The following FMN1 variants were observed in gnomAD, a reference collection of about 807,000 sequenced individuals.
FMN1 encodes the protein formin 1.
Under a neutral mutation model 132.4 loss-of-function variants are expected in FMN1, and 110 were observed. The observed-to-expected ratio is 0.83, with a 90% CI of 0.71 to 0.97. The LOEUF is 0.97. Ranked by LOEUF, FMN1 falls within the 50% of genes least tolerant of loss-of-function variation. The pLI is 0.00. For synonymous variants in FMN1, 722 were observed against 651.7 expected, an observed-to-expected ratio of 1.11 and a Z score of -1.64; for missense variants, 1,792 against 1,705.3, an observed-to-expected ratio of 1.05 and a Z score of -0.90.
rs1472471465 is a variant in FMN1, at chr15:32,768,012, T to G, written c.*6298A>C. 1.3e-5 allele frequency: 2 copies of G among 152,236 alleles called. No individual in the cohort carries two copies. The highest frequency in any genetic ancestry group is 4.8e-5 in the African/African-American group (2 of 41,464). The allele number at this position is 152,236 out of a possible 1,614,324, so 9.4% of individuals were successfully genotyped here. A position where few individuals can be genotyped will look rare whatever the true frequency, so the allele number is the denominator to read the frequency against. On this transcript the variant is annotated 3_prime_UTR_variant, in exon 21 of 21. Coordinates refer to ENST00000616417, the MANE Select transcript of FMN1 (RefSeq NM_001277313.2). ...GCATGAAGCGAGGAAAAAGGAGATATTTATAATTCACAAAAACATCTAAAA... is the reference window on the plus strand; with the variant it reads ...GCATGAAGCGAGGAAAAAGGAGATAGTTATAATTCACAAAAACATCTAAAA...
At chr15:32,912,670 G>C (rs1049251054) in intron 10 of FMN1, among the ~76,000 whole-genome samples, 1 of 152,000 alleles carries the variant, frequency 6.6e-6, no homozygotes, top group Non-Finnish European at 1.5e-5. Context: ...CTATCTTGGA[G>C]AATAACGTCC....
intron 19 of FMN1, among the ~76,000 whole-genome samples, chr15:32,778,078 A>C (rs1205320854): frequency 2.5e-5 from 1 of 40,444 alleles, no homozygotes; most frequent in African/African-American, 9.6e-5. Context: ...ATTATGTATA[A>C]TATATAATAC....
chr15:33,054,790 G>T (rs1409867010), intron 6 of FMN1, among the ~76,000 whole-genome samples: 2 of 152,200 alleles, frequency 1.3e-5, no homozygotes, highest in East Asian at 3.9e-4. Context: ...AAGCTTTTAT[G>T]TCTCAGTTAT....
At chr15:32,911,153 ATTAT>A (rs958412986) in intron 10 of FMN1, among the ~76,000 whole-genome samples, 3 of 152,172 alleles carry the variant, frequency 2.0e-5, no homozygotes, top group Non-Finnish European at 4.4e-5. Context: ...CTTGTTCTGT[ATTAT>A]TTAAGATTAA....
chr15:33,137,662 A>C (rs995428919), intron 4 of FMN1, among the ~76,000 whole-genome samples: 1 of 152,196 alleles, frequency 6.6e-6, no homozygotes, highest in Admixed American at 6.5e-5. Context: ...TCCTTTCAAC[A>C]TACTATGTAA....
At chr15:32,958,216 GA>G (rs1249583558) in intron 9 of FMN1, among the ~76,000 whole-genome samples, 1 of 152,144 alleles carries the variant, frequency 6.6e-6, no homozygotes, top group Non-Finnish European at 1.5e-5. Context: ...TGGATATGCA[GA>G]AGTGTGGCTA....
At chr15:33,071,458 G>A (rs1399808051) in intron 5 of FMN1, among the ~76,000 whole-genome samples, 3 of 152,166 alleles carry the variant, frequency 2.0e-5, no homozygotes, top group Non-Finnish European at 2.9e-5. Context: ...CACCAACAAT[G>A]AATGAGGCTG....
chr15:33,122,804 G>A (rs1962688896), intron 4 of FMN1, among the ~76,000 whole-genome samples: 1 of 152,168 alleles, frequency 6.6e-6, no homozygotes, highest in African/African-American at 2.4e-5. Flanking sequence ...TACATAATCT[G>A]AAAGAAGAGG....
intron 17 of FMN1, among the ~76,000 whole-genome samples, chr15:32,806,951 C>G (rs895244541): frequency 2.6e-5 from 4 of 152,304 alleles, no homozygotes; most frequent in Non-Finnish European, 5.9e-5. Context: ...CAGACTATTC[C>G]TTTCCTCATG....
chr15:32,911,294 G>T (rs951431139), intron 10 of FMN1, among the ~76,000 whole-genome samples: 3 of 152,134 alleles, frequency 2.0e-5, no homozygotes, highest in African/African-American at 7.2e-5. Flanking sequence ...AAATAAGCAG[G>T]TCCACATCTT....
At chr15:32,811,098 C>T (rs1444047188) in intron 17 of FMN1, 2 of 456,752 alleles carry the variant, frequency 4.4e-6, no homozygotes, top group South Asian at 1.5e-5. Flanking sequence ...ACGCTGACAT[C>T]GGAAAGGGAT....
chr15:33,106,824 G>A (rs1165327891), intron 4 of FMN1, among the ~76,000 whole-genome samples: 1 of 152,038 alleles, frequency 6.6e-6, no homozygotes, highest in African/African-American at 2.4e-5. Flanking sequence ...ATCGCCCCTA[G>A]TTGAGAAGCA....
At chr15:33,092,326 G>C (rs1300036084) in intron 4 of FMN1, among the ~76,000 whole-genome samples, 1 of 152,114 alleles carries the variant, frequency 6.6e-6, no homozygotes, top group Non-Finnish European at 1.5e-5. Flanking sequence ...TTCCAAAATA[G>C]AATCAGTCTG....
intron 9 of FMN1, among the ~76,000 whole-genome samples, chr15:32,936,881 T>G (rs760688502): frequency 6.6e-6 from 1 of 152,160 alleles, no homozygotes; most frequent in African/African-American, 2.4e-5. Flanking sequence ...TGGGAGAAGC[T>G]GCTGAGCTGT....
chr15:33,139,491 T>C (rs1963918173), intron 4 of FMN1, among the ~76,000 whole-genome samples: 1 of 152,192 alleles, frequency 6.6e-6, no homozygotes, highest in Non-Finnish European at 1.5e-5. Context: ...CTCAGGAGGC[T>C]GAGGCAGGAG....
chr15:33,085,215 A>C (rs146659722), intron 5 of FMN1, among the ~76,000 whole-genome samples: 366 of 152,328 alleles, frequency 2.4e-3, no homozygotes, highest in African/African-American at 8.5e-3. Flanking sequence ...CCCAAGCAGT[A>C]TACACTGCCC....
At chr15:33,038,567 C>T (rs1307730726) in intron 6 of FMN1, among the ~76,000 whole-genome samples, 1 of 152,186 alleles carries the variant, frequency 6.6e-6, no homozygotes, top group East Asian at 1.9e-4. Context: ...AGGTTTACTT[C>T]TGGACTGAGT....
At position 32,767,511 on chromosome 15, in the gene FMN1, C is replaced by G. The variant is rs1382066035; in HGVS notation, c.*6799G>C. ...AGGCCACCCTGCTTGCCATGCTAGT[C>G]TAAATGAAAACTCAATGAAAGAAAA... is the stretch of plus-strand genomic sequence containing the variant. On this transcript the variant is annotated 3_prime_UTR_variant, in exon 21 of 21. Coordinates refer to ENST00000616417, the MANE Select transcript of FMN1 (RefSeq NM_001277313.2). 2 of 152,090 alleles carry G rather than the reference C, an allele frequency of 1.3e-5. No homozygotes were observed. The highest frequency in any genetic ancestry group is 4.8e-5 in the African/African-American group (2 of 41,406). 9.4% of individuals were successfully genotyped at this position (152,090 alleles called of 1,614,324 possible).
Position 32,969,481 on chromosome 15 carries a change from T to C in FMN1, c.2224-4A>G, listed in dbSNP as rs375631081. 26 of 1,612,322 alleles carry C rather than the reference T, an allele frequency of 1.6e-5. No homozygotes were observed. Among genetic ancestry groups the C allele is most frequent in the South Asian group, 1.5e-4 (14 of 90,968 alleles). On this transcript the variant is annotated splice_polypyrimidine_tract_variant and splice_region_variant and intron_variant, in intron 7 of 20. Coordinates refer to ENST00000616417, the MANE Select transcript of FMN1 (RefSeq NM_001277313.2). ...ATGCCCGAAGTTCAAACTGTGCCTATAGGAAAATTCAGAGGGAAAGAAAGT... is the reference window on the plus strand; with the variant it reads ...ATGCCCGAAGTTCAAACTGTGCCTACAGGAAAATTCAGAGGGAAAGAAAGT...
Sources: allele counts gnomAD v4.1 joint callset (sites outside exome capture counted in the v4.1 genomes callset), GRCh38; gene constraint gnomAD v4.1.1; transcripts MANE v1.5; gene names NCBI Gene and HGNC (gene_info 2026-07-23, HGNC 2026-07-21).